The following IARS1 variants were observed in gnomAD, a reference collection of about 807,000 sequenced individuals.
The protein encoded by IARS1 is isoleucine--tRNA ligase, cytoplasmic.
In IARS1, 124 loss-of-function variants were observed where a neutral mutation model predicts 168.2. That is an observed-to-expected ratio of 0.74 (90% confidence interval 0.64 to 0.86). The LOEUF is 0.86. IARS1 is among the 40% of genes least tolerant of loss of function. IARS1 has a pLI of 0.00. For missense variants in IARS1, 1,452 were observed against 1,515.8 expected (o/e 0.96, Z 0.70); for synonymous variants, 532 against 529.4 (o/e 1.00, Z -0.07).
At chr9:92,229,386 C>CACACACACACAT (rs1257412481) in intron 30 of IARS1, among the ~76,000 whole-genome samples, 1 of 150,246 alleles carries the variant, frequency 6.7e-6, no homozygotes, top group Admixed American at 6.7e-5. Flanking sequence ...CACACACACA[C>CACACACACACAT]ACATCTCCAT....
intron 25 of IARS1, among the ~76,000 whole-genome samples, chr9:92,248,916 A>G (rs1394482338): frequency 1.3e-5 from 2 of 152,188 alleles, no homozygotes; most frequent in Non-Finnish European, 2.9e-5. Flanking sequence ...TTAAAACATC[A>G]TGGAATAAAG....
intron 13 of IARS1, 30 bp from the exon 14 acceptor site, chr9:92,268,330 C>T (rs1177060112): frequency 6.3e-7 from 1 of 1,598,178 alleles, no homozygotes; most frequent in Non-Finnish European, 8.5e-7. Flanking sequence ...TAACCAATCA[C>T]ATAAAAATAT....
At chr9:92,270,526 G>A (rs1832868827) in intron 12 of IARS1, among the ~76,000 whole-genome samples, 1 of 152,160 alleles carries the variant, frequency 6.6e-6, no homozygotes, top group Non-Finnish European at 1.5e-5. Context: ...CAGGCGCTGT[G>A]GCTCATGCCT....
At chr9:92,286,504 T>C (rs760804948) in intron 5 of IARS1, 32 bp downstream of exon 5, 2 of 1,153,464 alleles carry the variant, frequency 1.7e-6, no homozygotes, top group African/African-American at 1.5e-5. Context: ...GAATAGAATA[T>C]TTACCATATT....
At chr9:92,246,840 C>T (rs1829271296) in intron 26 of IARS1, among the ~76,000 whole-genome samples, 1 of 152,070 alleles carries the variant, frequency 6.6e-6, no homozygotes. Context: ...TATTTTCTTT[C>T]TAAACTGTAA....
chr9:92,237,986 A>G (rs1302111303), intron 30 of IARS1, among the ~76,000 whole-genome samples: 1 of 151,606 alleles, frequency 6.6e-6, no homozygotes. Context: ...GCTCACTGCA[A>G]CCTCCGCCTC....
In IARS1 at chr9:92,288,724, GGGT is replaced by G. The variant is rs536205418; in HGVS notation, c.120-445_120-443del. ...TACTTAGGTATAAGTGCCTAAACGA[GGGT>G]GGTGATGAAAATAAAGGTGGAAAGA... On this transcript the variant is annotated intron_variant, in intron 2 of 33. Transcript: ENST00000443024. Among the ~76,000 whole-genome samples, 15 of 152,166 alleles carry G rather than the reference GGGT, an allele frequency of 9.9e-5. No individual in the cohort carries two copies. The South Asian group carries it at 2.9e-3, about 29-fold the overall frequency.
intron 33 of IARS1, among the ~76,000 whole-genome samples, chr9:92,212,503 A>G (rs1285492098): frequency 6.6e-6 from 1 of 152,216 alleles, no homozygotes; most frequent in Admixed American, 6.5e-5. Context: ...TAAATACATA[A>G]TTCATACAGA....
intron 29 of IARS1, 76 bp from the exon 30 acceptor site, chr9:92,241,037 G>T: frequency 1.3e-6 from 1 of 789,496 alleles, no homozygotes; most frequent in Non-Finnish European, 2.3e-6. Context: ...GTAACACAGT[G>T]ACTTCTCAGT....
In IARS1 at chr9:92,252,526, A is replaced by G. The variant is rs1439849803; in HGVS notation, c.2230-641T>C. The G allele has an allele frequency of 3.5e-5, 15 of 427,594 alleles. No individual in the cohort carries two copies. In the East Asian group the frequency reaches 1.1e-3, roughly 30 times the overall value. The allele number at this position is 427,594 out of a possible 1,614,324, so 26.5% of individuals were successfully genotyped here. On this transcript the variant is annotated intron_variant, in intron 21 of 33. Coordinates refer to ENST00000443024, the MANE Select transcript of IARS1 (RefSeq NM_002161.6). ...TCACACCTGTAACACCACTGCTTTG[A>G]GAGGCTGAGGCCAGTGGATCACCTG... is the stretch of plus-strand genomic sequence containing the variant.
At chr9:92,223,666 T>G (rs960354534) in intron 31 of IARS1, among the ~76,000 whole-genome samples, 177 bp from the exon 32 acceptor site, 1 of 152,244 alleles carries the variant, frequency 6.6e-6, no homozygotes, top group Admixed American at 6.5e-5. Flanking sequence ...CATGTAATGG[T>G]AGGAAATCTC....
At chr9:92,282,522 G>A (rs1435100944) in intron 6 of IARS1, among the ~76,000 whole-genome samples, 1 of 151,868 alleles carries the variant, frequency 6.6e-6, no homozygotes, top group African/African-American at 2.4e-5. Context: ...TATAATCCTG[G>A]CACTTTGGGA....
intron 17 of IARS1, among the ~76,000 whole-genome samples, chr9:92,262,218 C>A (rs976564111): frequency 1.3e-5 from 2 of 151,982 alleles, no homozygotes; most frequent in African/African-American, 4.8e-5. Context: ...ATTATAGGAC[C>A]CATCTCAAAT....
chr9:92,289,854 A>G (rs546197041), intron 1 of IARS1, among the ~76,000 whole-genome samples: 5 of 152,324 alleles, frequency 3.3e-5, no homozygotes, highest in South Asian at 4.1e-4. Flanking sequence ...GCATGTTTTC[A>G]AGGCTCATCC....
At position 92,264,628 on chromosome 9, in the gene IARS1, G is replaced by A. The variant is rs1385065897; in HGVS notation, c.1700+301C>T. Among the ~76,000 whole-genome samples the A allele has an allele frequency of 3.3e-5, 5 of 152,118 alleles. 1 individual carries two copies. The East Asian group carries it at 9.6e-4, about 29-fold the overall frequency. On this transcript the variant is annotated intron_variant, in intron 16 of 33. Coordinates refer to ENST00000443024, the MANE Select transcript of IARS1 (RefSeq NM_002161.6). ...CAAACATTTGAGTAAATGATCTGAC[G>A]TAAGCTAAGAACACATAACTTTTTT...
intron 9 of IARS1, among the ~76,000 whole-genome samples, chr9:92,274,859 C>T (rs1833573571): frequency 6.6e-6 from 1 of 152,176 alleles, no homozygotes; most frequent in African/African-American, 2.4e-5. Context: ...AAAGCATGCT[C>T]CCTAAATTGT....
rs764705912 is a variant in IARS1 at position 92,280,767 on chromosome 9, T to C, written c.724A>G (p.Met242Val). 2 of 1,610,038 alleles carry C rather than the reference T, an allele frequency of 1.2e-6. No homozygotes were observed. The highest frequency in any genetic ancestry group is 2.2e-5 in the East Asian group (1 of 44,696). ...TTACCTTTAATTTTCACATATTGCA[T>C]TTCTGGATTAACACACACAGCAAGG... is the stretch of plus-strand genomic sequence containing the variant. ...SNLAVCVNPE[M>V]QYVKIKDVAR... is the part of the protein sequence containing the mutation. The change falls in exon 7 of 34, where the codon ATG (methionine) becomes GTG (valine). Residue 242 changes from methionine (M) to valine (V), a missense_variant. Coordinates refer to ENST00000443024, the MANE Select transcript of IARS1 (RefSeq NM_002161.6).
At chr9:92,292,181 CTTTTTTT>C (rs57075703) in intron 1 of IARS1, among the ~76,000 whole-genome samples, 1 of 118,050 alleles carries the variant, frequency 8.5e-6, no homozygotes. Flanking sequence ...CCACACTCAG[CTTTTTTT>C]TTTTTTTTTT....
At chr9:92,231,506 C>A (rs1044988322) in intron 30 of IARS1, among the ~76,000 whole-genome samples, 4 of 151,150 alleles carry the variant, frequency 2.6e-5, no homozygotes, top group African/African-American at 9.7e-5. Context: ...CTCCACTTCC[C>A]GGGTTCAAGT....
Sources: allele counts gnomAD v4.1 joint callset (sites outside exome capture counted in the v4.1 genomes callset), GRCh38; gene constraint gnomAD v4.1.1; transcripts MANE v1.5; gene names NCBI Gene and HGNC (gene_info 2026-07-23, HGNC 2026-07-21).